RBP3: variants seen among roughly 807,000 people sequenced by gnomAD.
The protein encoded by RBP3 is retinol-binding protein 3.
A neutral mutation model predicts 64.8 loss-of-function variants in RBP3; 50 were observed. The ratio of observed to expected loss-of-function variants is 0.77; its 90% confidence interval spans 0.61 to 0.98. The LOEUF (loss-of-function observed/expected upper bound fraction) is 0.98. Among genes scored for constraint, RBP3 ranks in the 50% least tolerant of loss-of-function variants. The probability of loss-of-function intolerance (pLI) is 0.00; values close to 1 mark genes in which losing one functional copy is unlikely to be tolerated. For synonymous variants in RBP3, 828 were observed against 730.2 expected, an observed-to-expected ratio of 1.13 and a Z score of -2.16; for missense variants, 1,712 against 1,660.5, an observed-to-expected ratio of 1.03 and a Z score of -0.54.
In RBP3 at chr10:47,353,590, G is replaced by A. The variant is rs149359847; in HGVS notation, c.3245+75G>A. On this transcript the variant is annotated intron_variant, in intron 2 of 3. Transcript: ENST00000584701. ...GGGACAGTCAAAGCTATGGGCCACA[G>A]CAGGGAAGAAAAGGAACCCTGTGAC... 1,067 of 1,563,120 alleles carry A rather than the reference G, an allele frequency of 6.8e-4. 5 individuals are homozygous for A. The African/African-American group carries it at 0.012, about 18-fold the overall frequency.
chr10:47,354,461 TCTC>T (rs1451331090), intron 2 of RBP3, among the ~76,000 whole-genome samples: 5 of 152,188 alleles, frequency 3.3e-5, no homozygotes, highest in African/African-American at 7.2e-5. Context: ...ACCCACTGCT[TCTC>T]CTCCCTGGGA....
intron 3 of RBP3, 48 bp downstream of exon 3, chr10:47,355,566 G>C: frequency 6.2e-7 from 1 of 1,612,954 alleles, no homozygotes; most frequent in Non-Finnish European, 8.5e-7. Flanking sequence ...AGAAGCTTCT[G>C]GGAAACCAGG....
At position 47,349,528 on chromosome 10, in the gene RBP3, C is replaced by T. The variant is rs547601457; in HGVS notation, c.1044C>T (p.Pro348=). 1.1e-3 allele frequency: 1,717 copies of T among 1,613,022 alleles called. 20 individuals carry two copies. In the South Asian group the frequency reaches 0.018, roughly 16 times the overall value. The change falls in exon 1 of 4, where the codon CCC becomes CCT. Residue 348 remains proline, a synonymous_variant. Transcript: ENST00000584701. ...KDYYTLVDRV[P]TLLQHLASMD... ...ACTACACGCTGGTGGACCGTGTGCC[C>T]ACCCTGCTGCAGCACTTGGCCAGCA...
At chr10:47,356,842 T>TG (rs1837053059) in intron 3 of RBP3, among the ~76,000 whole-genome samples, 1 of 152,198 alleles carries the variant, frequency 6.6e-6, no homozygotes, top group Non-Finnish European at 1.5e-5. Flanking sequence ...AGTCAAGCCT[T>TG]TCCTATCACT....
In RBP3 at chr10:47,348,643, G is replaced by A. The variant is rs1347494450; in HGVS notation, c.159G>A (p.Gln53=). 1.2e-6 allele frequency: 2 copies of A among 1,613,434 alleles called. No individual in the cohort carries two copies. The highest frequency in any genetic ancestry group is 2.7e-5 in the African/African-American group (2 of 74,928). ...ENLLGMQEAI[Q]QAIKSHEILS... is the part of the protein sequence containing the mutation. Reference sequence around the variant, plus strand: ...TGCTGGGCATGCAGGAAGCCATCCAGCAGGCCATCAAGAGCCATGAGATTC... The same window carrying A: ...TGCTGGGCATGCAGGAAGCCATCCAACAGGCCATCAAGAGCCATGAGATTC... Residue 53 remains glutamine (Q), a synonymous_variant, in exon 1 of 4, where the codon CAG becomes CAA. Coordinates refer to ENST00000584701, the MANE Select transcript of RBP3 (RefSeq NM_002900.3).
In RBP3 at chr10:47,351,237, T is replaced by C; in HGVS notation, c.2753T>C (p.Val918Ala). 1 of 1,613,366 alleles carries C rather than the reference T, an allele frequency of 6.2e-7. No homozygotes were observed. The highest frequency in any genetic ancestry group is 8.5e-7 in the Non-Finnish European group (1 of 1,180,048). Residue 918 changes from valine to alanine, a missense_variant, in exon 1 of 4, where the codon GTG (valine) becomes GCG (alanine). Transcript: ENST00000584701. The stretch of plus-strand genomic sequence containing the variant: ...GCTGGTGTGGAGCCCGACATCACTG[T>C]GCCCATGAGCGAAGCCCTTTCCATA... ...DLAGVEPDIT[V>A]PMSEALSIAQ...
Position 47,351,007 on chromosome 10 carries a change from C to T in RBP3, c.2523C>T (p.Tyr841=), listed in dbSNP as rs781881541. The change falls in exon 1 of 4, where the codon TAC becomes TAT. Residue 841 remains tyrosine, a synonymous_variant. Coordinates refer to ENST00000584701, the MANE Select transcript of RBP3 (RefSeq NM_002900.3). ...GCTACGGCTCACACAAGGACCTCTA[C>T]ATCCTGATGAGCCACACCAGTGGCT... ...GQRYGSHKDL[Y]ILMSHTSGSA... The T allele has an allele frequency of 2.5e-6, 4 of 1,611,080 alleles. No individual in the cohort carries two copies. The highest frequency in any genetic ancestry group is 1.7e-4 in the Middle Eastern group (1 of 6,056).
chr10:47,352,099 A>T (rs950598092), intron 1 of RBP3, among the ~76,000 whole-genome samples: 2 of 152,022 alleles, frequency 1.3e-5, no homozygotes, highest in Non-Finnish European at 2.9e-5. Flanking sequence ...TTGCCATGGG[A>T]TCCCTTGCAA....
intron 2 of RBP3, among the ~76,000 whole-genome samples, chr10:47,354,634 T>C (rs1361112891): frequency 6.6e-6 from 1 of 152,212 alleles, no homozygotes; most frequent in African/African-American, 2.4e-5. Flanking sequence ...TTTACACTTT[T>C]TAAAGAGGAG....
Position 47,350,570 on chromosome 10 carries a change from G to A in RBP3, c.2086G>A (p.Asp696Asn). ...AGCAGACCTCCAGGAGGTGTCTGGG[G>A]ACCACCGCTTGCTAGTGTTCCACAG... ...LTADLQEVSG[D>N]HRLLVFHSPG... is the part of the protein sequence containing the mutation. Residue 696 changes from aspartate (D) to asparagine (N), a missense_variant, in exon 1 of 4, where the codon GAC becomes AAC. Asp to Asn is a conservative substitution (Grantham distance 23). Transcript: ENST00000584701. 1 of 1,612,996 alleles carries A rather than the reference G, an allele frequency of 6.2e-7. No individual in the cohort carries two copies. The highest frequency in any genetic ancestry group is 1.3e-5 in the African/African-American group (1 of 75,056).
chr10:47,355,402 C>G lies in RBP3; in HGVS notation c.3272C>G (p.Ser1091Cys), dbSNP rs1565768629. 6 of 1,614,142 alleles carry G rather than the reference C, an allele frequency of 3.7e-6. No individual in the cohort carries two copies. The highest frequency in any genetic ancestry group is 4.2e-6 in the Non-Finnish European group (5 of 1,180,050). The change falls in exon 3 of 4, where the codon TCC (serine) becomes TGC (cysteine). Residue 1091 changes from serine to cysteine, a missense_variant. Physicochemically the swap from Ser to Cys is moderately radical, Grantham distance 112 (BLOSUM62 -1). Coordinates refer to ENST00000584701, the MANE Select transcript of RBP3 (RefSeq NM_002900.3). Reference sequence around the variant, plus strand: ...TTCAACATCGGTGGCCCCACATCCTCCATTCCCATCTTGTGCTCCTACTTC... The same window carrying G: ...TTCAACATCGGTGGCCCCACATCCTGCATTCCCATCTTGTGCTCCTACTTC... ...MRFNIGGPTS[S>C]IPILCSYFFD...
intron 2 of RBP3, among the ~76,000 whole-genome samples, chr10:47,353,996 T>C (rs1837015783): frequency 6.6e-6 from 1 of 152,130 alleles, no homozygotes; most frequent in Admixed American, 6.5e-5. Flanking sequence ...AATCAACACA[T>C]GACAACCCTG....
In RBP3 at chr10:47,349,874, G is replaced by T. The variant is rs1836930356; in HGVS notation, c.1390G>T (p.Val464Leu). 5 of 1,613,184 alleles carry T rather than the reference G, an allele frequency of 3.1e-6. No homozygotes were observed. The highest frequency in any genetic ancestry group is 2.2e-5 in the South Asian group (2 of 91,082). The change falls in exon 1 of 4, where the codon GTG (valine) becomes TTG (leucine). Residue 464 changes from valine to leucine, a missense_variant. Physicochemically the swap from Val to Leu is conservative, Grantham distance 32. Transcript: ENST00000584701. ...GVLAPYVLRQ[V>L]WEPLQDTEHL... Reference sequence around the variant, plus strand: ...GTTGGCCCCATATGTCCTGCGCCAGGTGTGGGAGCCGCTACAGGACACGGA... The same window carrying T: ...GTTGGCCCCATATGTCCTGCGCCAGTTGTGGGAGCCGCTACAGGACACGGA...
At chr10:47,355,638 C>A in intron 3 of RBP3, 120 bp downstream of exon 3, 1 of 1,251,198 alleles carries the variant, frequency 8.0e-7, no homozygotes. Flanking sequence ...CTGTCCTAGT[C>A]CAGGCACTAG....
rs782566632 is a variant in RBP3 at position 47,353,422 on chromosome 10, G to C, written c.3152G>C (p.Gly1051Ala). Reference protein sequence around the residue: ...NIGYLRFDMFGDGELLTQVSR... With the variant: ...NIGYLRFDMFADGELLTQVSR... The stretch of plus-strand genomic sequence containing the variant: ...GGCTACTTGAGGTTTGACATGTTTG[G>C]GGACGGTGAGCTGCTCACCCAGGTC... Residue 1051 changes from glycine (G) to alanine (A), a missense_variant, in exon 2 of 4, where the codon GGG becomes GCG. Physicochemically the swap from Gly to Ala is moderately conservative, Grantham distance 60. Coordinates refer to ENST00000584701, the MANE Select transcript of RBP3 (RefSeq NM_002900.3). 9.3e-6 allele frequency: 15 copies of C among 1,614,112 alleles called. No individual in the cohort carries two copies. Among genetic ancestry groups the C allele is most frequent in the Non-Finnish European group, 1.3e-5 (15 of 1,180,026 alleles).
Position 47,357,197 on chromosome 10 carries a change from G to A in RBP3, c.3484G>A (p.Gly1162Ser). Reference protein sequence around the residue: ...EEFTYIMKRLGRALVIGEVTS... With the variant: ...EEFTYIMKRLSRALVIGEVTS... ...GTTCACCTATATCATGAAGAGGCTG[G>A]GCCGGGCCCTGGTCATTGGGGAGGT... is the stretch of plus-strand genomic sequence containing the variant. Residue 1162 changes from glycine (G) to serine (S), a missense_variant, in exon 4 of 4, where the codon GGC becomes AGC. Coordinates refer to ENST00000584701, the MANE Select transcript of RBP3 (RefSeq NM_002900.3). 6.2e-7 allele frequency: 1 copy of A among 1,614,006 alleles called. No homozygotes were observed. The highest frequency in any genetic ancestry group is 8.5e-7 in the Non-Finnish European group (1 of 1,180,038).
chr10:47,355,495 T>A lies in RBP3; in HGVS notation c.3365T>A (p.Leu1122His), dbSNP rs782304919. ...YSRPDDSVSELWTHAQVVGER... is the reference protein window; with the variant it reads ...YSRPDDSVSEHWTHAQVVGER... ...CGGCCTGATGACTCTGTCAGTGAAC[T>A]CTGGACACACGCCCAGGTTGTAGGT... The change falls in exon 3 of 4, where the codon CTC (leucine) becomes CAC (histidine). Residue 1122 changes from leucine (L) to histidine (H), a missense_variant. Physicochemically the swap from Leu to His is moderately conservative, Grantham distance 99. Coordinates refer to ENST00000584701, the MANE Select transcript of RBP3 (RefSeq NM_002900.3). The A allele has an allele frequency of 1.2e-6, 2 of 1,614,240 alleles. No homozygotes were observed. Among genetic ancestry groups the A allele is most frequent in the South Asian group, 1.1e-5 (1 of 91,092 alleles).
rs1321429141 is a variant in RBP3 at position 47,350,581 on chromosome 10, G to A, written c.2097G>A (p.Leu699=). The A allele has an allele frequency of 6.2e-7, 1 of 1,613,016 alleles. No homozygotes were observed. The highest frequency in any genetic ancestry group is 8.5e-7 in the Non-Finnish European group (1 of 1,180,022). ...AGGAGGTGTCTGGGGACCACCGCTT[G>A]CTAGTGTTCCACAGCCCTGGCGAGC... The part of the protein sequence containing the change: ...DLQEVSGDHR[L]LVFHSPGELV... Residue 699 remains leucine (L), a synonymous_variant, in exon 1 of 4, where the codon TTG becomes TTA. Coordinates refer to ENST00000584701, the MANE Select transcript of RBP3 (RefSeq NM_002900.3).
At position 47,350,239 on chromosome 10, in the gene RBP3, C is replaced by T. The variant is rs150933435; in HGVS notation, c.1755C>T (p.Pro585=). The change falls in exon 1 of 4, where the codon CCC becomes CCT. Residue 585 remains proline, a synonymous_variant. Transcript: ENST00000584701. ...GCACGGTGCCGCTGCTGGACACACC[C>T]GAAGGCAGCCTCGCGCTCACCGTGC... ...HTRTVPLLDT[P]EGSLALTVPV... is the part of the protein sequence containing the mutation. 2.8e-5 allele frequency: 45 copies of T among 1,607,868 alleles called. No homozygotes were observed. The highest frequency in any genetic ancestry group is 6.7e-5 in the East Asian group (3 of 44,882).
Sources: allele counts gnomAD v4.1 joint callset (sites outside exome capture counted in the v4.1 genomes callset), GRCh38; gene constraint gnomAD v4.1.1; transcripts MANE v1.5; gene names NCBI Gene and HGNC (gene_info 2026-07-23, HGNC 2026-07-21).